AMBP: variants seen among roughly 807,000 people sequenced by gnomAD.
The protein encoded by AMBP is alpha-1-microglobulin/bikunin precursor.
In AMBP, 37 loss-of-function variants were observed where a neutral mutation model predicts 46.3. That is an observed-to-expected ratio of 0.80 (90% CI 0.61 to 1.05). AMBP has a LOEUF of 1.05. Among genes scored for constraint, AMBP ranks in the 50% least tolerant of loss-of-function variants. The probability of loss-of-function intolerance (pLI) is 0.00; values close to 1 mark genes in which losing one functional copy is unlikely to be tolerated. For synonymous variants in AMBP, 174 were observed against 175.9 expected (o/e 0.99, Z 0.09); for missense variants, 475 against 461.2 (o/e 1.03, Z -0.27).
In AMBP at chr9:114,076,828, C is replaced by T. The variant is rs1214163022; in HGVS notation, c.118-88G>A. Reference sequence around the variant, plus strand: ...ACATCTGCTCCCCACCCTCCACCTCCTCCTCTTCCTCCTCCTTCTCCTCAA... The same window carrying T: ...ACATCTGCTCCCCACCCTCCACCTCTTCCTCTTCCTCCTCCTTCTCCTCAA... On this transcript the variant is annotated intron_variant, in intron 1 of 9. Transcript: ENST00000265132. The T allele has an allele frequency of 8.3e-6, 12 of 1,442,328 alleles. No homozygotes were observed. The South Asian group carries it at 9.4e-5, about 11-fold the overall frequency. The allele number at this position is 1,442,328 out of a possible 1,614,324, so 89.3% of individuals were successfully genotyped here.
intron 4 of AMBP, 24 bp downstream of exon 4, chr9:114,074,012 G>A (rs1288106194): frequency 1.2e-6 from 2 of 1,600,270 alleles, no homozygotes. Flanking sequence ...ACTCCAATGG[G>A]CACATCTAGT....
intron 6 of AMBP, among the ~76,000 whole-genome samples, chr9:114,065,875 C>T (rs1846688417): frequency 6.6e-6 from 1 of 152,104 alleles, no homozygotes; most frequent in Non-Finnish European, 1.5e-5. Context: ...CTACCCAAAC[C>T]CACCTCAGAA....
intron 7 of AMBP, 42 bp from the exon 8 acceptor site, chr9:114,061,633 G>C (rs770481359): frequency 1.3e-6 from 2 of 1,531,990 alleles, no homozygotes; most frequent in Non-Finnish European, 1.8e-6. Flanking sequence ...AGTGTTGACT[G>C]TGTACCCATT....
intron 6 of AMBP, among the ~76,000 whole-genome samples, chr9:114,065,993 C>A (rs998099080): frequency 6.6e-6 from 1 of 152,080 alleles, no homozygotes; most frequent in Non-Finnish European, 1.5e-5. Context: ...TTCTCAGTCG[C>A]TGGCAGTGCT....
At chr9:114,068,718 T>C (rs1042754992) in intron 6 of AMBP, among the ~76,000 whole-genome samples, 4 of 151,676 alleles carry the variant, frequency 2.6e-5, no homozygotes, top group Admixed American at 2.0e-4. Flanking sequence ...TGATCATCCA[T>C]TTGTCCTTTT....
chr9:114,072,824 T>A, intron 5 of AMBP, 101 bp downstream of exon 5: 5 of 1,027,176 alleles, frequency 4.9e-6, no homozygotes, highest in South Asian at 4.8e-5. Context: ...CGCCTTTTTA[T>A]CTCAGAGGGT....
intron 6 of AMBP, among the ~76,000 whole-genome samples, chr9:114,069,004 A>G (rs1846718950): frequency 6.6e-6 from 1 of 151,820 alleles, no homozygotes; most frequent in South Asian, 2.1e-4. Context: ...TGGGGGGTTT[A>G]TAGTTTCGCA....
At chr9:114,071,052 A>G (rs1351042318) in intron 5 of AMBP, among the ~76,000 whole-genome samples, 1 of 152,134 alleles carries the variant, frequency 6.6e-6, no homozygotes, top group African/African-American at 2.4e-5. Flanking sequence ...CTCAGGCTGC[A>G]AAGGGGTGTG....
chr9:114,070,667 C>T (rs867859487), intron 5 of AMBP, among the ~76,000 whole-genome samples: 4 of 152,146 alleles, frequency 2.6e-5, no homozygotes, highest in African/African-American at 7.2e-5. Context: ...GGAGCTGGGG[C>T]GTAGCCTTGG....
chr9:114,062,647 A>G (rs773335693), intron 7 of AMBP, 30 bp downstream of exon 7: 1 of 1,608,986 alleles, frequency 6.2e-7, no homozygotes, highest in South Asian at 1.1e-5. Flanking sequence ...GGAGTATGGC[A>G]GAGGGGGTGA....
At chr9:114,074,804 G>C (rs530373171) in intron 3 of AMBP, among the ~76,000 whole-genome samples, 156 bp downstream of exon 3, 1 of 152,158 alleles carries the variant, frequency 6.6e-6, no homozygotes, top group South Asian at 2.1e-4. Context: ...GAGAGGAGGA[G>C]AAGGAGGAGG....
Position 114,061,018 on chromosome 9 carries a change from A to G in AMBP, c.934T>C (p.Cys312Arg). 1.9e-6 allele frequency: 3 copies of G among 1,614,230 alleles called. No homozygotes were observed. Among genetic ancestry groups the G allele is most frequent in the Non-Finnish European group, 2.5e-6 (3 of 1,180,034 alleles). Residue 312 changes from cysteine (C) to arginine (R), a missense_variant, in exon 9 of 10, where the codon TGC becomes CGC. This residue lies in a region of AMBP where 293 missense variants were observed against 276.9 expected (regional missense o/e 1.06). Transcript: ENST00000265132. The stretch of plus-strand genomic sequence containing the variant: ...CAGCCCCCGTAGGGGAAGAGGACGC[A>G]CTTCCCCTTGACAGCATCAAATGCC... ...LWAFDAVKGK[C>R]VLFPYGGCQG... is the part of the protein sequence containing the mutation.
At chr9:114,069,849 C>A (rs750930735) in intron 5 of AMBP, 104 bp from the exon 6 acceptor site, 6 of 1,234,216 alleles carry the variant, frequency 4.9e-6, no homozygotes, top group Non-Finnish European at 7.1e-6. Context: ...GGGAACTTGT[C>A]GTGCCTTAGT....
intron 6 of AMBP, among the ~76,000 whole-genome samples, chr9:114,064,196 C>T (rs1846669667): frequency 6.6e-6 from 1 of 152,200 alleles, no homozygotes. Flanking sequence ...AGGATTCAGA[C>T]ATTTGCCACC....
chr9:114,060,863 G>A, intron 9 of AMBP, 62 bp downstream of exon 9: 1 of 1,557,160 alleles, frequency 6.4e-7, no homozygotes, highest in South Asian at 1.2e-5. Context: ...TCCTCCCAGG[G>A]CTCTCCCACC....
chr9:114,066,747 C>A (rs146436021), intron 6 of AMBP, among the ~76,000 whole-genome samples: 1 of 152,002 alleles, frequency 6.6e-6, no homozygotes, highest in Non-Finnish European at 1.5e-5. Flanking sequence ...GAGATGAAAG[C>A]GACTGGGAAG....
rs1564370800 is a variant in AMBP at position 114,062,711 on chromosome 9, AC to A, written c.650del (p.Gly217ValfsTer5). The A allele has an allele frequency of 6.2e-7, 1 of 1,613,558 alleles. No individual in the cohort carries two copies. Among genetic ancestry groups the A allele is most frequent in the Non-Finnish European group, 8.5e-7 (1 of 1,179,928 alleles). Reference protein sequence around the residue: ...VLPQEEEGSGGGQLVTEVTKK... With the variant: ...VLPQEEEGSGXGQLVTEVTKK... Reference sequence around the variant, plus strand: ...TGGTGACTTCAGTTACCAGTTGCCCACCCCCTGATCCTTCCTCTTCTTGGGG... The same window carrying A: ...TGGTGACTTCAGTTACCAGTTGCCCACCCCTGATCCTTCCTCTTCTTGGGG... On this transcript the variant is annotated frameshift_variant, in exon 7 of 10. Coordinates refer to ENST00000265132, the MANE Select transcript of AMBP (RefSeq NM_001633.4). LOFTEE classifies it high-confidence loss of function.
chr9:114,073,134 A>G (rs1846763458), intron 4 of AMBP, 108 bp from the exon 5 acceptor site: 17 of 928,680 alleles, frequency 1.8e-5, no homozygotes, highest in Non-Finnish European at 2.8e-5. Flanking sequence ...TTTGAAAACT[A>G]TTGATGCAGT....
At chr9:114,060,442 A>AT in intron 9 of AMBP, among the ~76,000 whole-genome samples, 172 bp from the exon 10 acceptor site, 1 of 152,166 alleles carries the variant, frequency 6.6e-6, no homozygotes, top group Non-Finnish European at 1.5e-5. Context: ...CGCAGGTGCC[A>AT]TTTTCCAGTG....
Sources: gnomAD v4.1 joint callset for allele counts (sites outside exome capture counted in the v4.1 genomes callset) on GRCh38, gnomAD v4.1.1 for gene constraint, gnomAD v4.1.1 regional missense constraint, MANE v1.5 for transcripts, NCBI Gene and HGNC (gene_info 2026-07-23, HGNC 2026-07-21) for gene names.